The following SWT1 variants were observed in gnomAD, a reference collection of about 807,000 sequenced individuals.
SWT1 encodes the protein SWT1 RNA endoribonuclease homolog.
SWT1 carries 33 observed loss-of-function variants against 107.3 expected under a neutral mutation model. The ratio of observed to expected loss-of-function variants is 0.31; its 90% CI spans 0.23 to 0.41. The LOEUF (loss-of-function observed/expected upper bound fraction) is 0.41. Ranked by LOEUF, SWT1 falls within the 10% of genes least tolerant of loss-of-function variation. SWT1 has a pLI of 1.00. For synonymous variants in SWT1, 345 were observed against 348.3 expected (o/e 0.99, Z 0.11); for missense variants, 898 against 1,028.9 (o/e 0.87, Z 1.74).
intron 15 of SWT1, chr1:185,227,425 G>T: frequency 1.5e-6 from 1 of 654,644 alleles, no homozygotes; most frequent in Non-Finnish European, 2.8e-6. Flanking sequence ...TAATTTTTCA[G>T]GCCAGCCTTC....
intron 16 of SWT1, among the ~76,000 whole-genome samples, chr1:185,252,521 T>G (rs1396752113): frequency 1.3e-5 from 2 of 152,266 alleles, no homozygotes; most frequent in African/African-American, 4.8e-5. Flanking sequence ...TTTGCATTTC[T>G]CTGATGGCCA....
intron 16 of SWT1, among the ~76,000 whole-genome samples, chr1:185,252,458 T>C (rs1422197607): frequency 6.6e-5 from 10 of 152,372 alleles, no homozygotes; most frequent in African/African-American, 2.4e-4. Context: ...TTCCTGACCT[T>C]TTAATGATTG....
At chr1:185,230,594 G>C (rs1171156067) in intron 15 of SWT1, among the ~76,000 whole-genome samples, 2 of 152,056 alleles carry the variant, frequency 1.3e-5, no homozygotes, top group African/African-American at 4.8e-5. Flanking sequence ...ATGAATTATG[G>C]GGGGACACTA....
At chr1:185,215,768 G>T (rs891492625) in intron 14 of SWT1, among the ~76,000 whole-genome samples, 1 of 151,984 alleles carries the variant, frequency 6.6e-6, no homozygotes, top group Admixed American at 6.6e-5. Flanking sequence ...CTTGACTCCT[G>T]GACTCAAGCA....
chr1:185,240,560 T>C (rs1221063920), intron 16 of SWT1, among the ~76,000 whole-genome samples: 2 of 152,116 alleles, frequency 1.3e-5, no homozygotes, highest in Non-Finnish European at 2.9e-5. Flanking sequence ...AATAAATGAC[T>C]GCTAACCGTT....
chr1:185,280,884 T>G, intron 18 of SWT1: 1 of 466,110 alleles, frequency 2.1e-6, no homozygotes, highest in Non-Finnish European at 4.4e-6. Context: ...GTCTACCCCC[T>G]GTTGCTTCTC....
chr1:185,245,972 T>A (rs1278339830), intron 16 of SWT1, among the ~76,000 whole-genome samples: 1 of 152,076 alleles, frequency 6.6e-6, no homozygotes, highest in Non-Finnish European at 1.5e-5. Context: ...TTTACCATGT[T>A]AGCCAGGCTG....
In SWT1 at chr1:185,231,643, A is replaced by G; in HGVS notation, c.2376A>G (p.Glu792=). ...ALTTSNIASF[E]EAFICLQKLM... is the part of the protein sequence containing the mutation. ...CTACTTCAAATATAGCATCATTTGAAGAAGCATTTATATGTCTTCAAAAGT... is the reference window on the plus strand; with the variant it reads ...CTACTTCAAATATAGCATCATTTGAGGAAGCATTTATATGTCTTCAAAAGT... Residue 792 remains glutamate (E), a synonymous_variant, in exon 16 of 19, where the codon GAA becomes GAG. Transcript: ENST00000367500. The G allele has an allele frequency of 6.2e-7, 1 of 1,608,928 alleles. No homozygotes were observed. Among genetic ancestry groups the G allele is most frequent in the South Asian group, 1.1e-5 (1 of 90,932 alleles).
In SWT1 at chr1:185,204,827, A is replaced by G. The variant is rs373141716; in HGVS notation, c.1797A>G (p.Thr599=). The part of the protein sequence containing the change: ...LGTGLSSILE[T]EMKIAFGNLW... ...CAGGTTTATCTTCAATATTAGAAAC[A>G]GAAATGAAAATTGCTTTTGGAAACC... is the stretch of plus-strand genomic sequence containing the variant. Residue 599 remains threonine, a synonymous_variant, in exon 12 of 19, where the codon ACA becomes ACG. Transcript: ENST00000367500. 15 of 1,584,088 alleles carry G rather than the reference A, an allele frequency of 9.5e-6. No homozygotes were observed. Among genetic ancestry groups the G allele is most frequent in the African/African-American group, 1.4e-5 (1 of 73,222 alleles).
chr1:185,240,175 G>C (rs1013268773), intron 16 of SWT1, among the ~76,000 whole-genome samples: 4 of 151,918 alleles, frequency 2.6e-5, no homozygotes. Context: ...ACTTTAACTT[G>C]CTTAGGTTTT....
chr1:185,185,854 AG>A (rs999193047), intron 9 of SWT1, among the ~76,000 whole-genome samples: 1 of 152,196 alleles, frequency 6.6e-6, no homozygotes, highest in Non-Finnish European at 1.5e-5. Context: ...ATTAGTTCTT[AG>A]TATATTCCAG....
At chr1:185,263,591 T>G (rs988255753) in intron 16 of SWT1, 2 of 152,200 alleles carry the variant, frequency 1.3e-5, no homozygotes, top group Non-Finnish European at 2.9e-5. Context: ...TTTTTGAAGG[T>G]GGTTTCAACT....
At position 185,204,171 on chromosome 1, in the gene SWT1, G is replaced by A. The variant is rs189460399; in HGVS notation, c.1670-529G>A. Among the ~76,000 whole-genome samples the A allele has an allele frequency of 4.6e-3, 703 of 152,092 alleles. 8 individuals carry two copies. The highest frequency in any genetic ancestry group is 0.016 in the African/African-American group (658 of 41,474). ...AATATTCCGTTTTTGCCAGCTACTC[G>A]GGGTGCTGAGGCAGGAGAATCTCTT... On this transcript the variant is annotated intron_variant, in intron 11 of 18. Coordinates refer to ENST00000367500, the MANE Select transcript of SWT1 (RefSeq NM_017673.7).
chr1:185,213,088 G>C (rs1658951637), intron 13 of SWT1, among the ~76,000 whole-genome samples: 1 of 152,018 alleles, frequency 6.6e-6, no homozygotes, highest in South Asian at 2.1e-4. Context: ...TGTTGTGTCT[G>C]TATACTGGAT....
intron 16 of SWT1, among the ~76,000 whole-genome samples, chr1:185,249,073 GATCTCCAGACACT>G (rs1056255204): frequency 3.9e-5 from 6 of 151,942 alleles, no homozygotes; most frequent in African/African-American, 4.8e-5. Context: ...ATAGTGTCTG[GATCTCCAGACACT>G]ATCTCCAGAC....
At chr1:185,237,126 C>G (rs1263617497) in intron 16 of SWT1, among the ~76,000 whole-genome samples, 1 of 151,942 alleles carries the variant, frequency 6.6e-6, no homozygotes, top group Non-Finnish European at 1.5e-5. Flanking sequence ...TTTCCACCAT[C>G]ATGGAAGACA....
At chr1:185,209,621 T>A (rs965159976) in intron 13 of SWT1, among the ~76,000 whole-genome samples, 6 of 152,228 alleles carry the variant, frequency 3.9e-5, no homozygotes, top group Non-Finnish European at 5.9e-5. Flanking sequence ...ATCCACTCTA[T>A]CATTGAAGGG....
chr1:185,184,379 C>A, intron 8 of SWT1, 35 bp downstream of exon 8: 5 of 1,254,178 alleles, frequency 4.0e-6, no homozygotes, highest in East Asian at 4.7e-5. Flanking sequence ...TTCTGATTTT[C>A]TTCCTTGAGT....
chr1:185,257,466 C>T (rs375712967), intron 16 of SWT1, among the ~76,000 whole-genome samples: 95 of 150,742 alleles, frequency 6.3e-4, no homozygotes, highest in African/African-American at 2.0e-3. Flanking sequence ...GAGCCAGGTG[C>T]GGGATATAAT....
Sources: gnomAD v4.1 joint callset for allele counts (sites outside exome capture counted in the v4.1 genomes callset) on GRCh38, gnomAD v4.1.1 for gene constraint, MANE v1.5 for transcripts, NCBI Gene and HGNC (gene_info 2026-07-23, HGNC 2026-07-21) for gene names.